Variants in SLX4IP observed in about 807,000 individuals in gnomAD.
SLX4IP encodes protein SLX4IP.
In SLX4IP, 34 loss-of-function variants were observed where a neutral mutation model predicts 32.9. That is an observed-to-expected ratio of 1.03 (90% CI 0.79 to 1.38). SLX4IP has a LOEUF of 1.38. Among genes scored for constraint, SLX4IP ranks in the 40% most tolerant of loss-of-function variants. SLX4IP has a pLI of 0.00. For synonymous variants in SLX4IP, 172 were observed against 171.7 expected, an observed-to-expected ratio of 1.00 and a Z score of -0.01; for missense variants, 444 against 479.0, an observed-to-expected ratio of 0.93 and a Z score of 0.68.
rs2122575725 is a variant in SLX4IP, at chr20:10,623,487, T to C, written c.*108T>C. 1.4e-6 allele frequency: 2 copies of C among 1,420,460 alleles called. No homozygotes were observed. The highest frequency in any genetic ancestry group is 2.9e-5 in the South Asian group (2 of 68,516). 88.0% of individuals were successfully genotyped at this position (1,420,460 alleles called of 1,614,324 possible). On this transcript the variant is annotated 3_prime_UTR_variant, in exon 8 of 8. Coordinates refer to ENST00000334534, the MANE Select transcript of SLX4IP (RefSeq NM_001009608.3). ...TTTTAAAGGAATTAATTAGAATGAC[T>C]AATTTAAATAGGAAGTGTGTTATCT...
intron 1 of SLX4IP, among the ~76,000 whole-genome samples, chr20:10,441,654 A>C (rs2065160392): frequency 6.6e-6 from 1 of 152,128 alleles, no homozygotes; most frequent in African/African-American, 2.4e-5. Flanking sequence ...TTAGTGACAA[A>C]GGATTTTTAA....
chr20:10,615,426 A>T (rs1410570912), intron 6 of SLX4IP, among the ~76,000 whole-genome samples: 1 of 152,054 alleles, frequency 6.6e-6, no homozygotes, highest in African/African-American at 2.4e-5. Flanking sequence ...TGCTTCCCTC[A>T]TAGTCTCTTT....
chr20:10,558,876 T>C (rs571722618), intron 3 of SLX4IP, among the ~76,000 whole-genome samples: 1 of 152,344 alleles, frequency 6.6e-6, no homozygotes, highest in East Asian at 1.9e-4. Context: ...TACTGGTGTC[T>C]ATCACACTGC....
At chr20:10,472,383 A>G (rs1449517377) in intron 2 of SLX4IP, among the ~76,000 whole-genome samples, 6 of 151,968 alleles carry the variant, frequency 3.9e-5, no homozygotes, top group Non-Finnish European at 8.8e-5. Flanking sequence ...GTCGCCTGCC[A>G]CCACGCCCGG....
At chr20:10,461,254 G>A (rs1220254549) in intron 2 of SLX4IP, among the ~76,000 whole-genome samples, 1 of 152,228 alleles carries the variant, frequency 6.6e-6, no homozygotes, top group Admixed American at 6.5e-5. Flanking sequence ...AAACTTGGAC[G>A]TGAGGCCCCT....
chr20:10,627,414 C>T lies in SLX4IP; in HGVS notation c.*4035C>T, dbSNP rs529231577. 8.7e-4 allele frequency: 133 copies of T among 152,214 alleles called. No individual in the cohort carries two copies. The highest frequency in any genetic ancestry group is 3.0e-3 in the African/African-American group (123 of 41,536). The allele number at this position is 152,214 out of a possible 1,614,324, so 9.4% of individuals were successfully genotyped here. ...ACAAAATAAATTAAGCATTGTAAAA[C>T]GAAGTTAATTCAGGTAATTACTCAG... is the stretch of plus-strand genomic sequence containing the variant. On this transcript the variant is annotated 3_prime_UTR_variant, in exon 8 of 8. Coordinates refer to ENST00000334534, the MANE Select transcript of SLX4IP (RefSeq NM_001009608.3).
intron 1 of SLX4IP, among the ~76,000 whole-genome samples, chr20:10,436,477 G>A (rs548858377): frequency 2.0e-5 from 3 of 151,860 alleles, no homozygotes; most frequent in African/African-American, 4.8e-5. Context: ...CTGCCTCAGC[G>A]TTCCCAGTAG....
chr20:10,453,388 T>C (rs1278017401), intron 1 of SLX4IP, among the ~76,000 whole-genome samples: 4 of 151,756 alleles, frequency 2.6e-5, no homozygotes, highest in Non-Finnish European at 5.9e-5. Context: ...GCACCTGCGC[T>C]TCTCCTGTGG....
intron 1 of SLX4IP, 75 bp downstream of exon 1, chr20:10,435,528 T>A (rs1343639579): frequency 6.6e-6 from 1 of 152,248 alleles, no homozygotes; most frequent in Non-Finnish European, 1.5e-5. Flanking sequence ...TCCTCCCTCC[T>A]GGTTTTTGGC....
chr20:10,469,565 A>G (rs1214027969), intron 2 of SLX4IP, among the ~76,000 whole-genome samples: 1 of 152,142 alleles, frequency 6.6e-6, no homozygotes, highest in East Asian at 1.9e-4. Context: ...TTTTTCCAAC[A>G]TATGTACAAA....
chr20:10,621,444 T>G, intron 7 of SLX4IP, 30 bp downstream of exon 7: 1 of 1,601,882 alleles, frequency 6.2e-7, no homozygotes, highest in Non-Finnish European at 8.5e-7. Flanking sequence ...TTTTTCTCAT[T>G]TTTGCCTGTC....
intron 5 of SLX4IP, among the ~76,000 whole-genome samples, chr20:10,599,571 G>C (rs904323757): frequency 7.3e-6 from 1 of 137,448 alleles, no homozygotes; most frequent in Non-Finnish European, 1.6e-5. Flanking sequence ...TTTTTTTTTT[G>C]TAATTTTTGG....
At chr20:10,451,175 T>A (rs1296514367) in intron 1 of SLX4IP, among the ~76,000 whole-genome samples, 1 of 152,078 alleles carries the variant, frequency 6.6e-6, no homozygotes, top group Non-Finnish European at 1.5e-5. Flanking sequence ...TTATTTATTT[T>A]TTTGAGACAG....
intron 4 of SLX4IP, among the ~76,000 whole-genome samples, chr20:10,594,008 G>A (rs975798847): frequency 5.3e-5 from 8 of 152,278 alleles, no homozygotes; most frequent in South Asian, 2.1e-4. Flanking sequence ...TAATAGTGTC[G>A]TGGTGATGAA....
At chr20:10,495,305 A>G (rs1026753956) in intron 2 of SLX4IP, among the ~76,000 whole-genome samples, 4 of 152,062 alleles carry the variant, frequency 2.6e-5, no homozygotes, top group Non-Finnish European at 5.9e-5. Context: ...ATACCTTTTG[A>G]GAATATTTTC....
intron 2 of SLX4IP, among the ~76,000 whole-genome samples, chr20:10,533,366 G>T (rs1398174255): frequency 6.6e-6 from 1 of 152,122 alleles, no homozygotes; most frequent in Non-Finnish European, 1.5e-5. Flanking sequence ...GCAGTGGCAT[G>T]ATCTTGGCTC....
intron 1 of SLX4IP, among the ~76,000 whole-genome samples, chr20:10,440,328 A>G (rs139870164): frequency 0.019 from 2,889 of 151,996 alleles, 44 homozygotes; most frequent in Middle Eastern, 0.041. Context: ...GGTGGTGCAC[A>G]CCTGTAATCC....
chr20:10,480,002 A>G (rs2122379059), intron 2 of SLX4IP, among the ~76,000 whole-genome samples: 1 of 152,246 alleles, frequency 6.6e-6, no homozygotes. Flanking sequence ...GACTCCATCT[A>G]GAACAAACAA....
chr20:10,461,228 A>C (rs917924565), intron 2 of SLX4IP, among the ~76,000 whole-genome samples: 25 of 152,258 alleles, frequency 1.6e-4, no homozygotes, highest in Non-Finnish European at 3.5e-4. Context: ...AGGGCAGACC[A>C]TCCTGGTCAA....
Sources: gnomAD v4.1 joint callset for allele counts (sites outside exome capture counted in the v4.1 genomes callset) on GRCh38, gnomAD v4.1.1 for gene constraint, MANE v1.5 for transcripts, NCBI Gene and HGNC (gene_info 2026-07-23, HGNC 2026-07-21) for gene names.